The following MED27 variants were observed in gnomAD, a reference collection of about 807,000 sequenced individuals.
The protein encoded by MED27 is mediator of RNA polymerase II transcription subunit 27.
MED27 carries 30 observed loss-of-function variants against 38.2 expected under a neutral mutation model. The ratio of observed to expected loss-of-function variants is 0.79; its 90% CI spans 0.59 to 1.07. MED27 has a LOEUF of 1.07. Among genes scored for constraint, MED27 ranks in the 50% least tolerant of loss-of-function variants. The pLI is 0.00. For synonymous variants in MED27, 122 were observed against 153.5 expected (o/e 0.79, Z 1.52); for missense variants, 289 against 397.5 (o/e 0.73, Z 2.32).
chr9:131,939,356 T>C (rs1400228993), intron 4 of MED27, 25 bp downstream of exon 4: 1 of 1,547,938 alleles, frequency 6.5e-7, no homozygotes, highest in African/African-American at 1.4e-5. Context: ...CCAACATCCC[T>C]ACAAATCAGT....
chr9:131,973,457 C>CTTTTTTTTTTTTTTTTTTTTTT (rs747946439), intron 3 of MED27, among the ~76,000 whole-genome samples: 2 of 122,172 alleles, frequency 1.6e-5, no homozygotes, highest in African/African-American at 3.1e-5. Context: ...TTTTTCTTTT[C>CTTTTTTTTTTTTTTTTTTTTTT]TTTTTTTTTT....
At position 132,079,793 on chromosome 9, in the gene MED27, T is replaced by C. The variant is rs1444729913; in HGVS notation, c.52A>G (p.Ile18Val). Residue 18 changes from isoleucine (I) to valine (V), a missense_variant, in exon 1 of 8, where the codon ATT (isoleucine) becomes GTT (valine). Transcript: ENST00000292035. ...SVNLEAFSQA[I>V]SAIQALRSSV... ...GAGCGCAGCGCCTGGATGGCACTAA[T>C]GGCCTGGGAAAAGGCCTCCAGGTTC... 6 of 1,613,800 alleles carry C rather than the reference T, an allele frequency of 3.7e-6. No individual in the cohort carries two copies. The highest frequency in any genetic ancestry group is 5.1e-6 in the Non-Finnish European group (6 of 1,179,946).
chr9:132,032,331 T>C (rs543406636), intron 2 of MED27, among the ~76,000 whole-genome samples: 1 of 152,298 alleles, frequency 6.6e-6, no homozygotes, highest in East Asian at 1.9e-4. Flanking sequence ...AGTGAACTTT[T>C]TGAGAAGAAA....
intron 4 of MED27, among the ~76,000 whole-genome samples, chr9:131,898,070 C>T (rs1451986199): frequency 1.3e-5 from 2 of 151,704 alleles, no homozygotes; most frequent in Non-Finnish European, 2.9e-5. Flanking sequence ...GTATTACCTG[C>T]CAATTGATAA....
At chr9:131,881,406 G>A (rs1839036549) in intron 6 of MED27, among the ~76,000 whole-genome samples, 1 of 152,140 alleles carries the variant, frequency 6.6e-6, no homozygotes. Flanking sequence ...CAGACCCAGG[G>A]ACCAGGGAGG....
intron 4 of MED27, among the ~76,000 whole-genome samples, chr9:131,899,945 G>A (rs566583600): frequency 6.6e-6 from 1 of 152,228 alleles, no homozygotes; most frequent in Non-Finnish European, 1.5e-5. Flanking sequence ...AACGCCCACC[G>A]ACGGGGGCTA....
intron 3 of MED27, among the ~76,000 whole-genome samples, chr9:131,948,064 A>C (rs185700102): frequency 6.6e-6 from 1 of 152,368 alleles, no homozygotes; most frequent in East Asian, 1.9e-4. Context: ...ATCAATCTCA[A>C]GATGCTGAAG....
At chr9:131,864,208 C>T (rs141985439) in intron 6 of MED27, among the ~76,000 whole-genome samples, 5 of 152,274 alleles carry the variant, frequency 3.3e-5, no homozygotes, top group East Asian at 1.9e-4. Flanking sequence ...AGGCCAGGTG[C>T]GGTGCCTCAT....
rs190759684 is a variant in MED27, at chr9:131,968,463, C to A, written c.480-28989G>T. Among the ~76,000 whole-genome samples, 4 of 107,038 alleles carry A rather than the reference C, an allele frequency of 3.7e-5. No individual in the cohort carries two copies. The East Asian group carries it at 1.1e-3, about 29-fold the overall frequency. 70.2% of individuals were successfully genotyped at this position (107,038 alleles called of 152,430 possible). A position where few individuals can be genotyped will look rare whatever the true frequency, so the allele number is the denominator to read the frequency against. ...CACTCCAGCCTAGGCAAGAGAGAGA[C>A]CCTGTCTCAAAAAAAAAAAAAAAAA... On this transcript the variant is annotated intron_variant, in intron 3 of 7. Transcript: ENST00000292035.
chr9:132,065,001 C>T (rs1325317068), intron 2 of MED27, among the ~76,000 whole-genome samples: 1 of 152,192 alleles, frequency 6.6e-6, no homozygotes, highest in African/African-American at 2.4e-5. Flanking sequence ...GCTTCGTTCA[C>T]TGTGTGTAGA....
chr9:131,969,642 C>A (rs1214536832), intron 3 of MED27, among the ~76,000 whole-genome samples: 2 of 151,960 alleles, frequency 1.3e-5, no homozygotes, highest in African/African-American at 4.8e-5. Flanking sequence ...GGAGAGGGAG[C>A]CAGATGGCCC....
chr9:132,064,052 G>A (rs1431502985), intron 2 of MED27, among the ~76,000 whole-genome samples: 1 of 152,192 alleles, frequency 6.6e-6, no homozygotes, highest in Non-Finnish European at 1.5e-5. Flanking sequence ...AGTCTATCTT[G>A]AAACTCAGGT....
rs181532308 is a variant in MED27 at position 132,053,161 on chromosome 9, G to A, written c.348+24281C>T. 8.7e-3 allele frequency among the ~76,000 whole-genome samples: 1,328 copies of A among 152,160 alleles called. 13 individuals carry two copies. The highest frequency in any genetic ancestry group is 0.03 in the African/African-American group (1,244 of 41,490). On this transcript the variant is annotated intron_variant, in intron 2 of 7. Transcript: ENST00000292035. ...CCAGCTACTCGGGAGGCTGAGGCAG[G>A]AGAATGGCCTGAACCCAGGAGGCGG...
intron 4 of MED27, among the ~76,000 whole-genome samples, chr9:131,908,913 T>TA (rs1370908249): frequency 6.6e-6 from 1 of 150,834 alleles, no homozygotes; most frequent in Non-Finnish European, 1.5e-5. Flanking sequence ...AAAGAATGCC[T>TA]AACGTCCTGG....
At chr9:132,036,491 T>A (rs961765873) in intron 2 of MED27, among the ~76,000 whole-genome samples, 1 of 152,214 alleles carries the variant, frequency 6.6e-6, no homozygotes, top group African/African-American at 2.4e-5. Context: ...TGTGAGCCAC[T>A]GCGTCTGGCC....
chr9:131,972,790 C>T (rs764127779), intron 3 of MED27, among the ~76,000 whole-genome samples: 42 of 152,128 alleles, frequency 2.8e-4, no homozygotes, highest in Admixed American at 9.2e-4. Context: ...CAGTCCTGTT[C>T]AGAAAACCAA....
At chr9:131,863,760 G>A (rs1050979468) in intron 6 of MED27, among the ~76,000 whole-genome samples, 2 of 152,076 alleles carry the variant, frequency 1.3e-5, no homozygotes, top group African/African-American at 4.8e-5. Flanking sequence ...AGCCCGGCGC[G>A]CCTGGTGTGG....
intron 6 of MED27, chr9:131,868,950 C>T: frequency 1.0e-6 from 1 of 985,476 alleles, no homozygotes; most frequent in Non-Finnish European, 1.2e-6. Flanking sequence ...GCGCCACAGC[C>T]CTGCTGGGCG....
intron 6 of MED27, among the ~76,000 whole-genome samples, chr9:131,869,801 AGATGCCT>A (rs1178899897): frequency 9.9e-5 from 15 of 152,184 alleles, no homozygotes; most frequent in African/African-American, 3.4e-4. Context: ...GAGAAGTCTC[AGATGCCT>A]CATTTGGGGT....
Sources: allele counts gnomAD v4.1 joint callset (sites outside exome capture counted in the v4.1 genomes callset), GRCh38; gene constraint gnomAD v4.1.1; transcripts MANE v1.5; gene names NCBI Gene and HGNC (gene_info 2026-07-23, HGNC 2026-07-21).